SLC4A7: variants seen among roughly 807,000 people sequenced by gnomAD.
SLC4A7 encodes sodium bicarbonate cotransporter 3.
SLC4A7 carries 51 observed loss-of-function variants against 137.6 expected under a neutral mutation model. The observed-to-expected ratio is 0.37, with a 90% CI of 0.30 to 0.47. The LOEUF (loss-of-function observed/expected upper bound fraction) is 0.47. Among genes scored for constraint, SLC4A7 ranks in the 20% least tolerant of loss-of-function variants. The probability of loss-of-function intolerance (pLI) is 1.00; values close to 1 mark genes in which losing one functional copy is unlikely to be tolerated. For missense variants in SLC4A7, 1,247 were observed against 1,525.4 expected (o/e 0.82, Z 3.04); for synonymous variants, 542 against 518.6 (o/e 1.05, Z -0.61).
intron 3 of SLC4A7, among the ~76,000 whole-genome samples, chr3:27,447,367 A>C (rs1314914047): frequency 6.6e-6 from 1 of 152,166 alleles, no homozygotes; most frequent in Non-Finnish European, 1.5e-5. Context: ...CAGAATTTGC[A>C]CTTTAGATTT....
intron 1 of SLC4A7, among the ~76,000 whole-genome samples, chr3:27,472,219 A>T (rs1346675356): frequency 6.6e-6 from 1 of 152,274 alleles, no homozygotes; most frequent in Non-Finnish European, 1.5e-5. Context: ...AGCAGATGAT[A>T]GCAAATAAGT....
At chr3:27,384,774 C>A (rs916191622) in intron 23 of SLC4A7, among the ~76,000 whole-genome samples, 5 of 151,980 alleles carry the variant, frequency 3.3e-5, no homozygotes, top group African/African-American at 1.2e-4. Flanking sequence ...ACCAGCCTGG[C>A]CAACATGGTG....
intron 8 of SLC4A7, chr3:27,423,601 T>C (rs1055535742): frequency 2.0e-5 from 3 of 153,114 alleles, no homozygotes; most frequent in African/African-American, 4.8e-5. Context: ...CCAAAAGTAC[T>C]GACACCATAA....
intron 7 of SLC4A7, among the ~76,000 whole-genome samples, chr3:27,427,146 T>C (rs1465988396): frequency 6.6e-6 from 1 of 152,166 alleles, no homozygotes; most frequent in Non-Finnish European, 1.5e-5. Flanking sequence ...TCGGGGGTGC[T>C]GCAGGCAGCT....
At chr3:27,422,000 C>A (rs983136005) in intron 8 of SLC4A7, among the ~76,000 whole-genome samples, 12 of 152,096 alleles carry the variant, frequency 7.9e-5, no homozygotes, top group African/African-American at 2.7e-4. Flanking sequence ...TTTTAACTGT[C>A]ACAATCTTTA....
intron 12 of SLC4A7, among the ~76,000 whole-genome samples, chr3:27,411,402 A>C (rs2053886332): frequency 6.6e-6 from 1 of 151,922 alleles, no homozygotes; most frequent in South Asian, 2.1e-4. Context: ...TATAACTGCA[A>C]TATTCTGAAT....
At chr3:27,435,076 GCA>G (rs1397500257) in intron 5 of SLC4A7, among the ~76,000 whole-genome samples, 1 of 152,114 alleles carries the variant, frequency 6.6e-6, no homozygotes, top group Non-Finnish European at 1.5e-5. Context: ...AATATTTGCA[GCA>G]CACAGTTAAA....
chr3:27,402,331 A>G (rs1041881978), intron 15 of SLC4A7, among the ~76,000 whole-genome samples: 1 of 152,214 alleles, frequency 6.6e-6, no homozygotes. Context: ...GAATTTAAAA[A>G]GATTTTCATT....
intron 7 of SLC4A7, among the ~76,000 whole-genome samples, chr3:27,425,919 G>A (rs893149113): frequency 6.6e-6 from 1 of 152,060 alleles, no homozygotes; most frequent in Non-Finnish European, 1.5e-5. Flanking sequence ...ACTGTCCCAT[G>A]CACAGCAACA....
intron 11 of SLC4A7, among the ~76,000 whole-genome samples, chr3:27,416,847 T>C (rs969363403): frequency 3.3e-5 from 5 of 152,166 alleles, no homozygotes. Context: ...AATCAACTGG[T>C]GAGAGACACT....
At chr3:27,471,124 C>A (rs967696914) in intron 1 of SLC4A7, among the ~76,000 whole-genome samples, 1 of 152,124 alleles carries the variant, frequency 6.6e-6, no homozygotes, top group Non-Finnish European at 1.5e-5. Flanking sequence ...TTTCACAAAA[C>A]AATATATGCC....
At chr3:27,411,852 T>G in intron 11 of SLC4A7, 104 bp from the exon 12 acceptor site, 1 of 446,358 alleles carries the variant, frequency 2.2e-6, no homozygotes, top group East Asian at 3.7e-5. Context: ...ATTATGTATC[T>G]AATCAGTTCT....
rs773737875 is a variant in SLC4A7 at position 27,418,639 on chromosome 3, G to GA, written c.1513-8dup. The GA allele has an allele frequency of 9.1e-6, 14 of 1,541,676 alleles. No homozygotes were observed. Among genetic ancestry groups the GA allele is most frequent in the Non-Finnish European group, 1.2e-5 (14 of 1,130,022 alleles). ...AAGCTACATCATGGAAAATCTAAGT[G>GA]AAAAAAATATTGAGTAAAAGATTTT... On this transcript the variant is annotated splice_region_variant and splice_polypyrimidine_tract_variant and intron_variant, in intron 10 of 25. Coordinates refer to ENST00000454389, the MANE Select transcript of SLC4A7 (RefSeq NM_001321103.2).
rs554170429 is a variant in SLC4A7 at position 27,375,917 on chromosome 3, A to T, written c.*847T>A. On this transcript the variant is annotated 3_prime_UTR_variant, in exon 26 of 26. Coordinates refer to ENST00000454389, the MANE Select transcript of SLC4A7 (RefSeq NM_001321103.2). ...CAAGAACTTGAACCTGATGGAAACT[A>T]AAGCATTTTAAGACAAAGAGAGACA... The T allele has an allele frequency of 6.6e-6, 1 of 152,178 alleles. No individual in the cohort carries two copies. The highest frequency in any genetic ancestry group is 2.1e-4 in the South Asian group (1 of 4,826). The allele number at this position is 152,178 out of a possible 1,614,324, so 9.4% of individuals were successfully genotyped here.
At chr3:27,456,407 G>C (rs1425166049) in intron 1 of SLC4A7, among the ~76,000 whole-genome samples, 1 of 152,132 alleles carries the variant, frequency 6.6e-6, no homozygotes, top group East Asian at 1.9e-4. Context: ...AATTTTTAAA[G>C]ACTCGTTCAA....
rs1481176337 is a variant in SLC4A7, at chr3:27,389,814, C to T, written c.3360+117G>A. 4.2e-6 allele frequency: 3 copies of T among 713,352 alleles called. No homozygotes were observed. The African/African-American group carries it at 5.5e-5, about 13-fold the overall frequency. The allele number at this position is 713,352 out of a possible 1,614,324, so 44.2% of individuals were successfully genotyped here. On this transcript the variant is annotated intron_variant, in intron 22 of 25. Transcript: ENST00000454389. The stretch of plus-strand genomic sequence containing the variant: ...GTAACAGCTAATTCACATTTTCAAA[C>T]ACCTAAGGTACTTAAAACGCATTAT...
At position 27,400,804 on chromosome 3, in the gene SLC4A7, A is replaced by C; in HGVS notation, c.2387T>G (p.Ile796Arg). ...TCTCCAGGAAATATTGTGTGCTGTT[A>C]TATTATCTTTCTTCCATTGTGCTAG... ...ETLAQWKKDN[I>R]TAHNISWRNL... is the part of the protein sequence containing the mutation. The change falls in exon 16 of 26, where the codon ATA becomes AGA. Residue 796 changes from isoleucine to arginine, a missense_variant. This residue lies in a region of SLC4A7 where 499 missense variants were observed against 664.2 expected (regional missense o/e 0.75). Transcript: ENST00000454389. 6.2e-7 allele frequency: 1 copy of C among 1,607,884 alleles called. No individual in the cohort carries two copies. The highest frequency in any genetic ancestry group is 8.5e-7 in the Non-Finnish European group (1 of 1,174,546).
rs758042697 is a variant in SLC4A7 at position 27,397,800 on chromosome 3, A to G, written c.2590-3T>C. 5 of 1,504,122 alleles carry G rather than the reference A, an allele frequency of 3.3e-6. No individual in the cohort carries two copies. The highest frequency in any genetic ancestry group is 2.8e-5 in the African/African-American group (2 of 72,598). 93.2% of individuals were successfully genotyped at this position (1,504,122 alleles called of 1,614,324 possible). On this transcript the variant is annotated splice_polypyrimidine_tract_variant and splice_region_variant and intron_variant, in intron 17 of 25. Coordinates refer to ENST00000454389, the MANE Select transcript of SLC4A7 (RefSeq NM_001321103.2). Reference sequence around the variant, plus strand: ...AAATCACTGATTGTCGATCGCACCTATGTTAAAGGGATTATGTTAATATAA... The same window carrying G: ...AAATCACTGATTGTCGATCGCACCTGTGTTAAAGGGATTATGTTAATATAA...
rs369211322 is a variant in SLC4A7 at position 27,394,498 on chromosome 3, C to T, written c.3117+20G>A. ...AATGTTATAATAAGATTGTAAAACA[C>T]GGCAATAAAGAAATTTTACCTTTAG... is the stretch of plus-strand genomic sequence containing the variant. On this transcript the variant is annotated intron_variant, in intron 20 of 25. Coordinates refer to ENST00000454389, the MANE Select transcript of SLC4A7 (RefSeq NM_001321103.2). 7.1e-5 allele frequency: 114 copies of T among 1,597,636 alleles called. No homozygotes were observed. Among genetic ancestry groups the T allele is most frequent in the African/African-American group, 1.8e-4 (13 of 74,274 alleles).
Sources: gnomAD v4.1 joint callset for allele counts (sites outside exome capture counted in the v4.1 genomes callset) on GRCh38, gnomAD v4.1.1 for gene constraint, gnomAD v4.1.1 regional missense constraint, MANE v1.5 for transcripts, NCBI Gene and HGNC (gene_info 2026-07-23, HGNC 2026-07-21) for gene names.